MMP26: variants seen among roughly 807,000 people sequenced by gnomAD.
MMP26 encodes matrix metalloproteinase-26.
In MMP26, 33 loss-of-function variants were observed where a neutral mutation model predicts 31.0. The ratio of observed to expected loss-of-function variants is 1.06; its 90% CI spans 0.81 to 1.42. The LOEUF is 1.42. Ranked by LOEUF, MMP26 falls within the 40% of genes most tolerant of loss-of-function variation. MMP26 has a pLI of 0.00. For missense variants in MMP26, 347 were observed against 316.1 expected (o/e 1.10, Z -0.74); for synonymous variants, 122 against 114.9 (o/e 1.06, Z -0.40).
rs118153251 is a variant in MMP26 at position 4,892,204 on chromosome 11, C to A, written c.-144-95864C>A. Among the ~76,000 whole-genome samples, 60 of 152,196 alleles carry A rather than the reference C, an allele frequency of 3.9e-4. 1 individual carries two copies. The East Asian group carries it at 0.01, about 26-fold the overall frequency. ...TCCTCTTCTAGAAGACCTGGGCTACCTTCCAAAAAGGATAAAGCAGTTGTT... is the reference window on the plus strand; with the variant it reads ...TCCTCTTCTAGAAGACCTGGGCTACATTCCAAAAAGGATAAAGCAGTTGTT... On this transcript the variant is annotated intron_variant, in intron 2 of 7. Coordinates refer to ENST00000380390, the MANE Select transcript of MMP26 (RefSeq NM_021801.5).
chr11:4,952,903 T>G (rs1337896531), intron 2 of MMP26, among the ~76,000 whole-genome samples: 1 of 124,998 alleles, frequency 8.0e-6, no homozygotes, highest in East Asian at 2.3e-4. Flanking sequence ...TTATTTTTTT[T>G]AAGCATTTGA....
At chr11:4,768,051 A>T (rs780723865) in intron 2 of MMP26, among the ~76,000 whole-genome samples, 1 of 150,338 alleles carries the variant, frequency 6.7e-6, no homozygotes, top group Non-Finnish European at 1.5e-5. Context: ...AAGGAGTCAC[A>T]TAGGTCTTTA....
At chr11:4,882,544 T>C in intron 2 of MMP26, 1 of 1,613,980 alleles carries the variant, frequency 6.2e-7, no homozygotes, top group South Asian at 1.1e-5. Context: ...ACGTATTGTT[T>C]ATTCTTTTCT....
At chr11:4,986,932 C>CTCTCTCTCTCACTCTCT in intron 2 of MMP26, among the ~76,000 whole-genome samples, 1 of 60,448 alleles carries the variant, frequency 1.7e-5, no homozygotes, top group Non-Finnish European at 3.1e-5. Context: ...TCTCTCTCTC[C>CTCTCTCTCTCACTCTCT]CTCTCTCTCT....
chr11:4,803,694 A>T, intron 2 of MMP26: 1 of 1,613,950 alleles, frequency 6.2e-7, no homozygotes, highest in Non-Finnish European at 8.5e-7. Context: ...AGGGCAACTG[A>T]AGCACAGCTC....
chr11:4,939,164 T>C (rs1846172671), intron 2 of MMP26, among the ~76,000 whole-genome samples: 1 of 152,170 alleles, frequency 6.6e-6, no homozygotes, highest in South Asian at 2.1e-4. Context: ...CTCCCTTAAC[T>C]ATTATATAAG....
At chr11:4,804,452 T>A (rs759799815) in intron 2 of MMP26, 1 of 1,172,674 alleles carries the variant, frequency 8.5e-7, no homozygotes, top group Admixed American at 1.7e-5. Flanking sequence ...AAACAAGTGT[T>A]ATTATTATAT....
At chr11:4,745,072 A>G (rs902743265) in intron 1 of MMP26, among the ~76,000 whole-genome samples, 36 of 152,308 alleles carry the variant, frequency 2.4e-4, no homozygotes, top group African/African-American at 8.4e-4. Flanking sequence ...GCTATGACTT[A>G]TTAAAATTCG....
intron 2 of MMP26, among the ~76,000 whole-genome samples, chr11:4,861,059 T>TTTTATA (rs1554887593): frequency 1.1e-5 from 1 of 92,218 alleles, no homozygotes; most frequent in Non-Finnish European, 3.0e-5. Flanking sequence ...TATAAGGGTA[T>TTTTATA]TATATATATA....
intron 2 of MMP26, among the ~76,000 whole-genome samples, chr11:4,897,354 G>A (rs1850722172): frequency 6.6e-6 from 1 of 152,100 alleles, no homozygotes; most frequent in African/African-American, 2.4e-5. Flanking sequence ...TGGCCAGGAT[G>A]GTCTCCATCT....
intron 2 of MMP26, chr11:4,822,276 C>T: frequency 1.3e-6 from 2 of 1,559,110 alleles, no homozygotes; most frequent in Non-Finnish European, 1.7e-6. Flanking sequence ...TTCTGCTAAT[C>T]CCTCCTGTGC....
intron 2 of MMP26, among the ~76,000 whole-genome samples, chr11:4,801,867 A>G (rs1375178373): frequency 6.6e-6 from 1 of 151,882 alleles, no homozygotes; most frequent in African/African-American, 2.4e-5. Flanking sequence ...CGGATCTCGC[A>G]TGATCTAACT....
At chr11:4,901,058 C>T (rs550975318) in intron 2 of MMP26, among the ~76,000 whole-genome samples, 2 of 152,082 alleles carry the variant, frequency 1.3e-5, no homozygotes, top group Middle Eastern at 6.8e-3. Flanking sequence ...AAGGGATCAT[C>T]CACGTAGCTA....
intron 2 of MMP26, chr11:4,794,265 T>G (rs1182305887): frequency 6.6e-6 from 1 of 152,136 alleles, no homozygotes; most frequent in Non-Finnish European, 1.5e-5. Flanking sequence ...TGTGTCATTG[T>G]GAGAAACACA....
chr11:4,775,855 G>A (rs1848785220), intron 2 of MMP26, among the ~76,000 whole-genome samples: 1 of 152,082 alleles, frequency 6.6e-6, no homozygotes, highest in African/African-American at 2.4e-5. Context: ...TGCATATATT[G>A]TATAGTGGTG....
Position 4,907,095 on chromosome 11 carries a change from TAAAAAA to T in MMP26, c.-144-80958_-144-80953del, listed in dbSNP as rs3065178. 1.3e-4 allele frequency among the ~76,000 whole-genome samples: 7 copies of T among 55,108 alleles called. 1 individual carries two copies. The highest frequency in any genetic ancestry group is 4.6e-4 in the African/African-American group (7 of 15,258). The allele number at this position is 55,108 out of a possible 152,430, so 36.2% of individuals were successfully genotyped here. ...TGGGCAACAAGAGCAAAACTCCCTCTAAAAAAAAAAAAAAAAAAAATCCTAAAAATC... is the reference window on the plus strand; with the variant it reads ...TGGGCAACAAGAGCAAAACTCCCTCTAAAAAAAAAAAAAATCCTAAAAATC... On this transcript the variant is annotated intron_variant, in intron 2 of 7. Coordinates refer to ENST00000380390, the MANE Select transcript of MMP26 (RefSeq NM_021801.5).
intron 2 of MMP26, among the ~76,000 whole-genome samples, chr11:4,874,587 T>TGTGC (rs1554888280): frequency 5.3e-5 from 8 of 151,210 alleles, no homozygotes; most frequent in African/African-American, 2.0e-4. Flanking sequence ...TGTGTGTGTG[T>TGTGC]GCATTCTTAA....
intron 1 of MMP26, among the ~76,000 whole-genome samples, chr11:4,749,706 T>C (rs986084405): frequency 6.6e-6 from 1 of 152,068 alleles, no homozygotes; most frequent in Non-Finnish European, 1.5e-5. Flanking sequence ...AAATAAATGG[T>C]GCTGGGAAAA....
chr11:4,772,229 TA>T (rs57324292), intron 2 of MMP26, among the ~76,000 whole-genome samples: 14,423 of 152,194 alleles, frequency 0.095, 844 homozygotes, highest in Middle Eastern at 0.15. Context: ...ACAGGGACAT[TA>T]AATGCAGAGG....
Sources: gnomAD v4.1 joint callset for allele counts (sites outside exome capture counted in the v4.1 genomes callset) on GRCh38, gnomAD v4.1.1 for gene constraint, MANE v1.5 for transcripts, NCBI Gene and HGNC (gene_info 2026-07-23, HGNC 2026-07-21) for gene names.